SYNE1: variants seen among roughly 807,000 people sequenced by gnomAD.
SYNE1 encodes nesprin-1.
SYNE1 carries 616 observed loss-of-function variants against 1,111.0 expected under a neutral mutation model. That is an observed-to-expected ratio of 0.55 (90% confidence interval 0.52 to 0.59). SYNE1 has a LOEUF of 0.59. Ranked by LOEUF, SYNE1 falls within the 20% of genes least tolerant of loss-of-function variation. The pLI, the probability that SYNE1 is intolerant of heterozygous loss-of-function variation, is 0.00. For missense variants in SYNE1, 10,006 were observed against 10,417.0 expected (o/e 0.96, Z 1.72); for synonymous variants, 3,855 against 3,825.8 (o/e 1.01, Z -0.28).
chr6:152,172,637 G>C (rs2065489816), intron 130 of SYNE1, among the ~76,000 whole-genome samples: 1 of 152,194 alleles, frequency 6.6e-6, no homozygotes, highest in Non-Finnish European at 1.5e-5. Context: ...CTGAGCTCTA[G>C]AGAAATTGCT....
intron 14 of SYNE1, among the ~76,000 whole-genome samples, chr6:152,481,827 C>T (rs1026463462): frequency 6.6e-5 from 10 of 150,844 alleles, no homozygotes; most frequent in African/African-American, 2.4e-4. Context: ...TACGGCATAG[C>T]TGCCCCCACT....
At chr6:152,299,695 T>C (rs1413817338) in intron 93 of SYNE1, among the ~76,000 whole-genome samples, 1 of 152,148 alleles carries the variant, frequency 6.6e-6, no homozygotes, top group Non-Finnish European at 1.5e-5. Flanking sequence ...TCCTTTTTTT[T>C]TTTAATGAGG....
chr6:152,505,402 G>A lies in SYNE1; in HGVS notation c.582-5C>T. 6.2e-7 allele frequency: 1 copy of A among 1,613,512 alleles called. No homozygotes were observed. Among genetic ancestry groups the A allele is most frequent in the Non-Finnish European group, 8.5e-7 (1 of 1,179,922 alleles). ...TTTACTTCTATTCCAGTCTGCCTTT[G>A]TGTTATAAAAACATAAAATGATGTC... On this transcript the variant is annotated splice_polypyrimidine_tract_variant and splice_region_variant and intron_variant, in intron 8 of 145. Transcript: ENST00000367255.
intron 3 of SYNE1, among the ~76,000 whole-genome samples, chr6:152,588,052 C>T (rs956213972): frequency 7.9e-5 from 12 of 152,184 alleles, no homozygotes; most frequent in African/African-American, 2.6e-4. Context: ...ACATAGATGC[C>T]GTAAAATTTC....
At chr6:152,550,554 A>G (rs990735597) in intron 3 of SYNE1, among the ~76,000 whole-genome samples, 7 of 151,316 alleles carry the variant, frequency 4.6e-5, no homozygotes, top group Admixed American at 1.3e-4. Flanking sequence ...GTCATCTCGT[A>G]TGTATGGGGG....
intron 3 of SYNE1, among the ~76,000 whole-genome samples, chr6:152,570,277 C>A (rs1389610565): frequency 6.6e-6 from 1 of 152,100 alleles, no homozygotes; most frequent in Non-Finnish European, 1.5e-5. Flanking sequence ...ATTTGATTGT[C>A]CCGAACACAT....
rs781741559 is a variant in SYNE1 at position 152,350,736 on chromosome 6, G to C, written c.11615C>G (p.Ser3872Ter). Reference sequence around the variant, plus strand: ...ACCCTTCTCTCTCACTGACTTTACTGATGGTTCATGGGACAGCACCGTTTG... The same window carrying C: ...ACCCTTCTCTCTCACTGACTTTACTCATGGTTCATGGGACAGCACCGTTTG... ...LQQTVLSHEP[S>*]VKSVREKGEA... Residue 3872 changes from serine to a stop codon, truncating the protein, a stop_gained, in exon 71 of 146, where the codon TCA (serine) becomes TGA (stop). Coordinates refer to ENST00000367255, the MANE Select transcript of SYNE1 (RefSeq NM_182961.4). LOFTEE classifies it high-confidence loss of function. 6.2e-7 allele frequency: 1 copy of C among 1,613,868 alleles called. No individual in the cohort carries two copies. Among genetic ancestry groups the C allele is most frequent in the Non-Finnish European group, 8.5e-7 (1 of 1,180,006 alleles).
chr6:152,245,574 A>G (rs560010391), intron 105 of SYNE1, among the ~76,000 whole-genome samples: 15 of 152,316 alleles, frequency 9.8e-5, no homozygotes, highest in African/African-American at 3.6e-4. Flanking sequence ...CATAAATCTA[A>G]AAGGACAAGG....
At chr6:152,550,969 C>G (rs1437594194) in intron 3 of SYNE1, among the ~76,000 whole-genome samples, 2 of 152,080 alleles carry the variant, frequency 1.3e-5, no homozygotes, top group Non-Finnish European at 2.9e-5. Flanking sequence ...ACAAAGCAAT[C>G]AATACAGTGG....
intron 141 of SYNE1, among the ~76,000 whole-genome samples, chr6:152,135,460 A>C (rs1585778150): frequency 6.6e-6 from 1 of 152,204 alleles, no homozygotes; most frequent in Non-Finnish European, 1.5e-5. Context: ...CGAAAGGAAA[A>C]CTGGCATCAA....
At chr6:152,173,833 T>C (rs531726638) in intron 130 of SYNE1, among the ~76,000 whole-genome samples, 29 of 152,340 alleles carry the variant, frequency 1.9e-4, no homozygotes, top group Middle Eastern at 3.4e-3. Context: ...TAAGTGACTA[T>C]AGTGAGAAGC....
chr6:152,140,895 C>T (rs948264942), intron 139 of SYNE1, among the ~76,000 whole-genome samples: 1 of 150,988 alleles, frequency 6.6e-6, no homozygotes, highest in Admixed American at 6.6e-5. Context: ...TTTAGCTGGG[C>T]GTGGTGGCGG....
chr6:152,144,440 C>G (rs2059087849), intron 137 of SYNE1: 2 of 155,120 alleles, frequency 1.3e-5, no homozygotes, highest in Admixed American at 6.3e-5. Context: ...CTGGCTCATT[C>G]TCCTCTCAAA....
At chr6:152,332,731 T>C (rs971267491) in intron 77 of SYNE1, among the ~76,000 whole-genome samples, 21 of 152,232 alleles carry the variant, frequency 1.4e-4, no homozygotes, top group Admixed American at 1.2e-3. Context: ...TTGGATATTT[T>C]TTGCTTATCA....
chr6:152,255,469 T>C, intron 103 of SYNE1, 122 bp downstream of exon 103: 11 of 1,165,010 alleles, frequency 9.4e-6, no homozygotes, highest in Non-Finnish European at 1.3e-5. Flanking sequence ...TAAGCAATTA[T>C]GTTCTGCATT....
chr6:152,166,971 C>T (rs183253988), intron 130 of SYNE1, among the ~76,000 whole-genome samples: 1 of 152,048 alleles, frequency 6.6e-6, no homozygotes, highest in Non-Finnish European at 1.5e-5. Context: ...TTGGGTGAAG[C>T]GTCACAGTAT....
rs1174316105 is a variant in SYNE1 at position 152,152,132 on chromosome 6, G to A, written c.24139C>T (p.Arg8047Ter). 7 of 1,614,004 alleles carry A rather than the reference G, an allele frequency of 4.3e-6. No homozygotes were observed. Among genetic ancestry groups the A allele is most frequent in the Non-Finnish European group, 4.2e-6 (5 of 1,180,006 alleles). ...TGCGTCAGGCACTCGTGGACCTGTC[G>A]CTGGAAAGCCTAAGGCCACAGAGAA... ...EELKKFEAFQ[R>*]QVHECLTQLE... The change falls in exon 134 of 146, where the codon CGA becomes TGA. Residue 8047 changes from arginine (R) to a stop codon, truncating the protein, a stop_gained. Transcript: ENST00000367255. LOFTEE classifies it high-confidence loss of function.
chr6:152,350,108 A>G, intron 72 of SYNE1, 60 bp downstream of exon 72: 3 of 1,594,670 alleles, frequency 1.9e-6, no homozygotes, highest in Non-Finnish European at 2.6e-6. Context: ...ATGCACAGAC[A>G]CATGCGTACA....
intron 65 of SYNE1, 61 bp from the exon 66 acceptor site, chr6:152,358,598 G>A (rs1591003556): frequency 1.3e-6 from 2 of 1,543,920 alleles, no homozygotes; most frequent in East Asian, 2.3e-5. Context: ...GCATCAGTGT[G>A]CTGTAATTCA....
Sources: gnomAD v4.1 joint callset for allele counts (sites outside exome capture counted in the v4.1 genomes callset) on GRCh38, gnomAD v4.1.1 for gene constraint, MANE v1.5 for transcripts, NCBI Gene and HGNC (gene_info 2026-07-23, HGNC 2026-07-21) for gene names.